IGF1R: variants seen among roughly 807,000 people sequenced by gnomAD.
IGF1R encodes insulin like growth factor 1 receptor.
Under a neutral mutation model 144.6 loss-of-function variants are expected in IGF1R, and 44 were observed. The ratio of observed to expected loss-of-function variants is 0.30; its 90% CI spans 0.24 to 0.39. The LOEUF (loss-of-function observed/expected upper bound fraction) is 0.39. Ranked by LOEUF, IGF1R falls within the 10% of genes least tolerant of loss-of-function variation. IGF1R has a pLI of 1.00. For synonymous variants in IGF1R, 795 were observed against 722.8 expected (o/e 1.10, Z -1.60); for missense variants, 1,355 against 1,833.7 (o/e 0.74, Z 4.77).
rs1596409872 is a variant in IGF1R, at chr15:98,896,798, G to A, written c.995G>A (p.Cys332Tyr). 6.2e-7 allele frequency: 1 copy of A among 1,613,982 alleles called. No individual in the cohort carries two copies. The highest frequency in any genetic ancestry group is 8.5e-7 in the Non-Finnish European group (1 of 1,179,972). ...TGTGAAGGTCCTTGCCCGAAGGTCT[G>A]TGAGGAAGAAAAGAAAACAAAGACC... Reference protein sequence around the residue: ...IPCEGPCPKVCEEEKKTKTID... With the variant: ...IPCEGPCPKVYEEEKKTKTID... Residue 332 changes from cysteine (C) to tyrosine (Y), a missense_variant, in exon 4 of 21, where the codon TGT (cysteine) becomes TAT (tyrosine). Physicochemically the swap from Cys to Tyr is radical, Grantham distance 194. Coordinates refer to ENST00000650285, the MANE Select transcript of IGF1R (RefSeq NM_000875.5).
chr15:98,661,013 A>C (rs906826463), intron 1 of IGF1R, among the ~76,000 whole-genome samples: 1 of 152,084 alleles, frequency 6.6e-6, no homozygotes, highest in Non-Finnish European at 1.5e-5. Flanking sequence ...GCTGACCTTG[A>C]GTTACAGGGT....
At position 98,934,999 on chromosome 15, in the gene IGF1R, G is replaced by A; in HGVS notation, c.3132G>A (p.Arg1044=). The change falls in exon 16 of 21, where the codon AGG becomes AGA. Residue 1044 remains arginine, a synonymous_variant. Transcript: ENST00000650285. ...TVNEAASMRE[R]IEFLNEASVM... ...ACGAGGCCGCAAGCATGCGTGAGAG[G>A]ATTGAGTTTCTCAACGAAGCTTCTG... The A allele has an allele frequency of 3.7e-6, 6 of 1,614,158 alleles. No individual in the cohort carries two copies. Among genetic ancestry groups the A allele is most frequent in the Non-Finnish European group, 5.1e-6 (6 of 1,180,018 alleles).
chr15:98,846,913 C>T (rs760062580), intron 2 of IGF1R, among the ~76,000 whole-genome samples: 3 of 152,168 alleles, frequency 2.0e-5, no homozygotes, highest in East Asian at 1.9e-4. Flanking sequence ...TTCCTTGACC[C>T]GGGAATATAG....
intron 2 of IGF1R, among the ~76,000 whole-genome samples, chr15:98,788,150 G>A (rs985720893): frequency 5.3e-5 from 8 of 151,696 alleles, no homozygotes; most frequent in African/African-American, 1.5e-4. Flanking sequence ...ACACATGCCC[G>A]TATGCTATTG....
intron 1 of IGF1R, among the ~76,000 whole-genome samples, chr15:98,656,595 T>G (rs780825108): frequency 1.4e-5 from 2 of 143,338 alleles, no homozygotes; most frequent in Non-Finnish European, 2.9e-5. Flanking sequence ...CTGGTAATAG[T>G]CTGGAAAACA....
chr15:98,680,095 A>C (rs1355007657), intron 1 of IGF1R, among the ~76,000 whole-genome samples: 1 of 152,174 alleles, frequency 6.6e-6, no homozygotes, highest in Non-Finnish European at 1.5e-5. Context: ...TTGAAGAAAG[A>C]AATTTTTAAA....
intron 2 of IGF1R, among the ~76,000 whole-genome samples, chr15:98,886,537 C>T (rs1373319406): frequency 6.6e-6 from 1 of 152,026 alleles, no homozygotes. Flanking sequence ...TTCTATTTTC[C>T]TCCTATTTTT....
chr15:98,794,359 G>A (rs1295201920), intron 2 of IGF1R, among the ~76,000 whole-genome samples: 1 of 152,094 alleles, frequency 6.6e-6, no homozygotes, highest in African/African-American at 2.4e-5. Context: ...GTATTAGAAT[G>A]GAGGTATACA....
chr15:98,752,048 C>T (rs1567110627), intron 2 of IGF1R, among the ~76,000 whole-genome samples: 1 of 152,210 alleles, frequency 6.6e-6, no homozygotes, highest in Non-Finnish European at 1.5e-5. Flanking sequence ...TAGGGTTCCT[C>T]TGTGCAGACT....
chr15:98,930,805 C>G (rs928927709), intron 15 of IGF1R, among the ~76,000 whole-genome samples: 1 of 152,072 alleles, frequency 6.6e-6, no homozygotes, highest in Non-Finnish European at 1.5e-5. Flanking sequence ...GTGGCTCATT[C>G]ACATTCCCCT....
intron 2 of IGF1R, among the ~76,000 whole-genome samples, chr15:98,795,187 CA>C (rs1210717865): frequency 2.0e-5 from 3 of 152,076 alleles, no homozygotes; most frequent in Non-Finnish European, 4.4e-5. Context: ...AGCAAAAAGG[CA>C]AATTTTTCTT....
intron 2 of IGF1R, among the ~76,000 whole-genome samples, chr15:98,805,331 A>G (rs762506637): frequency 1.3e-5 from 2 of 152,128 alleles, no homozygotes; most frequent in Non-Finnish European, 2.9e-5. Flanking sequence ...TGTTTGGCCG[A>G]AACATTTTAC....
At chr15:98,830,556 T>C (rs1305074660) in intron 2 of IGF1R, among the ~76,000 whole-genome samples, 2 of 151,746 alleles carry the variant, frequency 1.3e-5, no homozygotes, top group Non-Finnish European at 2.9e-5. Flanking sequence ...TTTTTCCGGC[T>C]CATGGTTCTT....
Position 98,935,466 on chromosome 15 carries a change from C to A in IGF1R, c.3297+40C>A. The A allele has an allele frequency of 1.7e-6, 2 of 1,156,376 alleles. No individual in the cohort carries two copies. The highest frequency in any genetic ancestry group is 2.5e-6 in the Non-Finnish European group (2 of 785,812). 71.6% of individuals were successfully genotyped at this position (1,156,376 alleles called of 1,614,324 possible). On this transcript the variant is annotated intron_variant, in intron 17 of 20. Transcript: ENST00000650285. The surrounding 1 kb of genome is among the most constrained non-coding windows in gnomAD (Gnocchi z 4.2). ...CCACCGGTATTGCATGTTGCCTGGC[C>A]TGCTCTCTTTTCCTTTATAATCTCC...
intron 1 of IGF1R, among the ~76,000 whole-genome samples, chr15:98,669,185 C>G (rs1055581713): frequency 2.6e-5 from 4 of 152,110 alleles, no homozygotes; most frequent in Non-Finnish European, 5.9e-5. Flanking sequence ...CGGCTCCGTG[C>G]GTGTGCGGAT....
chr15:98,894,546 CTG>C (rs2014083592), intron 3 of IGF1R, among the ~76,000 whole-genome samples: 1 of 152,184 alleles, frequency 6.6e-6, no homozygotes, highest in African/African-American at 2.4e-5. Context: ...ACATTATGCT[CTG>C]TGAAAAAGCC....
At chr15:98,890,090 C>T (rs769458508) in intron 2 of IGF1R, among the ~76,000 whole-genome samples, 2 of 152,134 alleles carry the variant, frequency 1.3e-5, no homozygotes, top group Admixed American at 6.5e-5. Context: ...CTTTAGCACA[C>T]GAAGAGGCTT....
chr15:98,688,755 A>C (rs916710703), intron 1 of IGF1R, among the ~76,000 whole-genome samples: 1 of 152,158 alleles, frequency 6.6e-6, no homozygotes, highest in African/African-American at 2.4e-5. Context: ...GATGGGGTTC[A>C]GAGGGCCTTT....
chr15:98,898,693 CATTA>C (rs1196592747), intron 4 of IGF1R, among the ~76,000 whole-genome samples: 2 of 152,150 alleles, frequency 1.3e-5, no homozygotes, highest in African/African-American at 4.8e-5. Flanking sequence ...AGTAAAATCC[CATTA>C]ATTGGACCAC....
Sources: allele counts gnomAD v4.1 joint callset (sites outside exome capture counted in the v4.1 genomes callset), GRCh38; gene constraint gnomAD v4.1.1; non-coding constraint Gnocchi (gnomAD v3.1); transcripts MANE v1.5; gene names NCBI Gene and HGNC (gene_info 2026-07-23, HGNC 2026-07-21).